The following SUV39H1 variants were observed in gnomAD, a reference collection of about 807,000 sequenced individuals.
SUV39H1 encodes the protein histone-lysine N-methyltransferase SUV39H1.
For missense variants in SUV39H1, 180 were observed against 386.3 expected (o/e 0.47, Z 4.48); for synonymous variants, 141 against 150.5 (o/e 0.94, Z 0.46).
upstream of SUV39H1, chrX:48,695,873 T>C (rs782339679): frequency 3.6e-5 from 42 of 1,153,980 alleles, no homozygotes; most frequent in East Asian, 1.3e-3. Context: ...CACTGACAGG[T>C]GGTGTGGAGG....
intron 3 of SUV39H1, among the ~76,000 whole-genome samples, chrX:48,701,109 C>T (rs1195576281): frequency 9.0e-6 from 1 of 111,485 alleles, no homozygotes; most frequent in African/African-American, 3.3e-5. Flanking sequence ...AAGGCACTTC[C>T]TCTTCTCATT....
In SUV39H1 at chrX:48,696,752, G is replaced by A. The variant is rs782100217; in HGVS notation, c.-33G>A. On this transcript the variant is annotated 5_prime_UTR_variant, in exon 1 of 6. Transcript: ENST00000376687. ...CGCGAGCGCTCTTCTCGCGAGGCCG[G>A]CTAGGCCCGAATGTCGTTAGCCGTG... is the stretch of plus-strand genomic sequence containing the variant. 2.6e-6 allele frequency: 3 copies of A among 1,137,760 alleles called. No individual in the cohort carries two copies. The highest frequency in any genetic ancestry group is 3.7e-5 in the East Asian group (1 of 27,351). The allele number at this position is 1,137,760 out of a possible 1,213,427, so 93.8% of individuals were successfully genotyped here. A position where few individuals can be genotyped will look rare whatever the true frequency, so the allele number is the denominator to read the frequency against.
At position 48,698,039 on chromosome X, in the gene SUV39H1, A is replaced by T. The variant is rs781967892; in HGVS notation, c.20-863A>T. ...AAGTCAAAATGCAGTGTGAAAAAAT[A>T]TACCTTGTGGATTTAAGGCACCCAG... On this transcript the variant is annotated intron_variant, in intron 1 of 5. Transcript: ENST00000376687. Among the ~76,000 whole-genome samples the T allele has an allele frequency of 3.6e-5, 4 of 112,477 alleles. No individual in the cohort carries two copies. In the East Asian group the frequency reaches 8.3e-4, roughly 23 times the overall value.
chrX:48,698,983 G>C lies in SUV39H1; in HGVS notation c.101G>C (p.Gly34Ala). 1 of 1,210,386 alleles carries C rather than the reference G, an allele frequency of 8.3e-7. No homozygotes were observed. Among genetic ancestry groups the C allele is most frequent in the Non-Finnish European group, 1.1e-6 (1 of 894,856 alleles). Reference protein sequence around the residue: ...RLAKLSCPALGISKRNLYDFE... With the variant: ...RLAKLSCPALAISKRNLYDFE... The stretch of plus-strand genomic sequence containing the variant: ...GCCAAGCTCTCCTGCCCTGCCCTCG[G>C]TATCTCTAAGAGGAACCTCTATGAC... The change falls in exon 2 of 6, where the codon GGT (glycine) becomes GCT (alanine). Residue 34 changes from glycine (G) to alanine (A), a missense_variant. Coordinates refer to ENST00000376687, the MANE Select transcript of SUV39H1 (RefSeq NM_003173.4).
At chrX:48,699,180 A>AAGGGTC in intron 2 of SUV39H1, 133 bp downstream of exon 2, 1 of 714,455 alleles carries the variant, frequency 1.4e-6, no homozygotes, top group Non-Finnish European at 2.0e-6. Flanking sequence ...CACAGGATGA[A>AAGGGTC]TAGACCCTTT....
In SUV39H1 at chrX:48,707,966, GCCCCAAAGGTATGGGGAAGCAA is replaced by G; in HGVS notation, c.*402_*423del. On this transcript the variant is annotated 3_prime_UTR_variant, in exon 6 of 6. Transcript: ENST00000376687. The stretch of plus-strand genomic sequence containing the variant: ...GTCTGCTGCAGGCCTCCTCCCTGCT[GCCCCAAAGGTATGGGGAAGCAA>G]CCCCAGAGCAGGCAGACATCAGAGG... 1 of 256,068 alleles carries G rather than the reference GCCCCAAAGGTATGGGGAAGCAA, an allele frequency of 3.9e-6. No homozygotes were observed. The highest frequency in any genetic ancestry group is 3.8e-5 in the South Asian group (1 of 26,046). 21.1% of individuals were successfully genotyped at this position (256,068 alleles called of 1,213,427 possible). A position where few individuals can be genotyped will look rare whatever the true frequency, so the allele number is the denominator to read the frequency against.
At position 48,706,354 on chromosome X, in the gene SUV39H1, C is replaced by T. The variant is rs141546891; in HGVS notation, c.918C>T (p.Asp306=). 16 of 1,211,848 alleles carry T rather than the reference C, an allele frequency of 1.3e-5. No individual in the cohort carries two copies. The highest frequency in any genetic ancestry group is 4.3e-5 in the Admixed American group (2 of 46,084). ...TYLFDLDYVE[D]VYTVDAAYYG... is the part of the protein sequence containing the mutation. ...TCTTTGACCTGGACTACGTGGAGGACGTGTACACCGTGGATGCCGCCTACT... is the reference window on the plus strand; with the variant it reads ...TCTTTGACCTGGACTACGTGGAGGATGTGTACACCGTGGATGCCGCCTACT... The change falls in exon 4 of 6, where the codon GAC becomes GAT. Residue 306 remains aspartate (D), a synonymous_variant. Transcript: ENST00000376687.
chrX:48,698,750 GA>G (rs2062464533), intron 1 of SUV39H1, 151 bp from the exon 2 acceptor site: 1 of 670,399 alleles, frequency 1.5e-6, no homozygotes, highest in Non-Finnish European at 2.1e-6. Flanking sequence ...TTCTGTTGTA[GA>G]ACAGTCTCAG....
chrX:48,706,155 G>A, intron 3 of SUV39H1, 110 bp from the exon 4 acceptor site: 4 of 1,007,464 alleles, frequency 4.0e-6, no homozygotes, highest in Non-Finnish European at 5.3e-6. Context: ...GCCCATGTGT[G>A]TCCACGGGCA....
chrX:48,700,788 C>T (rs2062472458), intron 3 of SUV39H1, 35 bp downstream of exon 3: 5 of 1,187,925 alleles, frequency 4.2e-6, no homozygotes, highest in Non-Finnish European at 5.7e-6. Context: ...GTGTGCAGCT[C>T]TTCCCACCCT....
intron 3 of SUV39H1, among the ~76,000 whole-genome samples, chrX:48,705,634 C>T (rs1430393520): frequency 8.9e-6 from 1 of 112,450 alleles, no homozygotes; most frequent in African/African-American, 3.2e-5. Flanking sequence ...ACTGTGCTCT[C>T]CCTTCATCTT....
chrX:48,699,187 C>G (rs139057592), intron 2 of SUV39H1, 140 bp downstream of exon 2: 1 of 634,825 alleles, frequency 1.6e-6, no homozygotes, highest in Non-Finnish European at 2.3e-6. Flanking sequence ...TGAATAGACC[C>G]TTTTATCCCT....
intron 3 of SUV39H1, 46 bp downstream of exon 3, chrX:48,700,799 G>C: frequency 8.5e-7 from 1 of 1,172,210 alleles, no homozygotes; most frequent in East Asian, 3.0e-5. Flanking sequence ...TTCCCACCCT[G>C]TGTTCACAGT....
chrX:48,703,708 T>C (rs929262842), intron 3 of SUV39H1, among the ~76,000 whole-genome samples: 6 of 111,772 alleles, frequency 5.4e-5, no homozygotes, highest in African/African-American at 2.0e-4. Context: ...GTGCCTTACA[T>C]TTATAACTGG....
upstream of SUV39H1, among the ~76,000 whole-genome samples, chrX:48,696,252 G>A (rs1196906730): frequency 6.2e-5 from 7 of 112,354 alleles, no homozygotes; most frequent in African/African-American, 2.3e-4. Flanking sequence ...GGGAGTCGCC[G>A]CTGGCCAGGG....
intron 5 of SUV39H1, 121 bp from the exon 6 acceptor site, chrX:48,707,316 G>C: frequency 2.8e-6 from 2 of 709,951 alleles, no homozygotes; most frequent in East Asian, 3.5e-5. Flanking sequence ...AGGGTAGTGG[G>C]ACCCTTCATC....
chrX:48,695,746 G>A (rs986710769), upstream of SUV39H1: 28 of 1,150,313 alleles, frequency 2.4e-5, no homozygotes, highest in African/African-American at 4.5e-4. Context: ...TGACTCGATG[G>A]CTGTACGTGG....
At position 48,700,772 on chromosome X, in the gene SUV39H1, G is replaced by A. The variant is rs1557009339; in HGVS notation, c.828+19G>A. The A allele has an allele frequency of 8.4e-7, 1 of 1,197,172 alleles. No individual in the cohort carries two copies. Among genetic ancestry groups the A allele is most frequent in the East Asian group, 3.0e-5 (1 of 33,481 alleles). ...GGGAGAGGTAGGGAGATGGGACCCG[G>A]TGTGTGTGTGCAGCTCTTCCCACCC... is the stretch of plus-strand genomic sequence containing the variant. On this transcript the variant is annotated intron_variant, in intron 3 of 5. Transcript: ENST00000376687.
intron 3 of SUV39H1, among the ~76,000 whole-genome samples, chrX:48,702,126 G>C (rs1006052630): frequency 3.6e-5 from 4 of 112,354 alleles, no homozygotes; most frequent in Non-Finnish European, 7.5e-5. Flanking sequence ...TAACCCTGCT[G>C]GCCTGCTGGA....
Sources: gnomAD v4.1 joint callset for allele counts (sites outside exome capture counted in the v4.1 genomes callset) on GRCh38, gnomAD v4.1.1 for gene constraint, MANE v1.5 for transcripts, NCBI Gene and HGNC (gene_info 2026-07-23, HGNC 2026-07-21) for gene names.